The following DENND3 variants were observed in gnomAD, a reference collection of about 807,000 sequenced individuals.
The protein encoded by DENND3 is DENN domain-containing protein 3.
A neutral mutation model predicts 135.1 loss-of-function variants in DENND3; 88 were observed. That is an observed-to-expected ratio of 0.65 (90% CI 0.55 to 0.78). The LOEUF (loss-of-function observed/expected upper bound fraction) is 0.78, where lower values mean the gene tolerates loss of function less well. Ranked by LOEUF, DENND3 falls within the 30% of genes least tolerant of loss-of-function variation. The pLI, the probability that DENND3 is intolerant of heterozygous loss-of-function variation, is 0.00. For missense variants in DENND3, 1,392 were observed against 1,688.4 expected (o/e 0.82, Z 3.08); for synonymous variants, 693 against 712.3 (o/e 0.97, Z 0.43).
Position 141,135,152 on chromosome 8 carries a change from C to CT in DENND3, c.103-1340dup, listed in dbSNP as rs532006355. ...CGCCCAGCTCTTTCTTTCTTTCTTTCTTTTTTTTTTTTTTTTTGAGACCAG... is the reference window on the plus strand; with the variant it reads ...CGCCCAGCTCTTTCTTTCTTTCTTTCTTTTTTTTTTTTTTTTTTGAGACCAG... On this transcript the variant is annotated intron_variant, in intron 1 of 22. Coordinates refer to ENST00000519811, the MANE Select transcript of DENND3 (RefSeq NM_001352890.3). 7.0e-3 allele frequency among the ~76,000 whole-genome samples: 944 copies of CT among 134,938 alleles called. 8 individuals are homozygous for CT. Among genetic ancestry groups the CT allele is most frequent in the African/African-American group, 0.017 (604 of 35,546 alleles). 88.5% of individuals were successfully genotyped at this position (134,938 alleles called of 152,430 possible).
intron 16 of DENND3, among the ~76,000 whole-genome samples, 176 bp from the exon 17 acceptor site, chr8:141,180,571 C>T (rs307743): frequency 0.025 from 3,855 of 152,212 alleles, 152 homozygotes; most frequent in African/African-American, 0.087. Context: ...GGAAAGGAGG[C>T]CGAGGGTGCA....
Position 141,189,243 on chromosome 8 carries a change from C to T in DENND3, c.3245+97C>T, listed in dbSNP as rs996572183. 11 of 1,524,458 alleles carry T rather than the reference C, an allele frequency of 7.2e-6. No homozygotes were observed. In the East Asian group the frequency reaches 1.6e-4, roughly 23 times the overall value. 94.4% of individuals were successfully genotyped at this position (1,524,458 alleles called of 1,614,324 possible). A position where few individuals can be genotyped will look rare whatever the true frequency, so the allele number is the denominator to read the frequency against. Reference sequence around the variant, plus strand: ...TCCCAAGTCTTGTGCCCACAGGGGCCAGGCGGGGCGTACAGAGTGAAGTGG... The same window carrying T: ...TCCCAAGTCTTGTGCCCACAGGGGCTAGGCGGGGCGTACAGAGTGAAGTGG... On this transcript the variant is annotated intron_variant, in intron 19 of 22. Transcript: ENST00000519811.
chr8:141,154,737 AT>A lies in DENND3; in HGVS notation c.1075-1107del, dbSNP rs1254054021. The stretch of plus-strand genomic sequence containing the variant: ...GCCACCATGCCTGGGTAATTTTTGT[AT>A]TTTTAGTAGAGACGAGGTTTCACCA... On this transcript the variant is annotated intron_variant, in intron 7 of 22. Coordinates refer to ENST00000519811, the MANE Select transcript of DENND3 (RefSeq NM_001352890.3). The surrounding 1 kb of genome is among the most constrained non-coding windows in gnomAD (Gnocchi z 4.4). Among the ~76,000 whole-genome samples the A allele has an allele frequency of 6.6e-6, 1 of 151,732 alleles. No individual in the cohort carries two copies.
chr8:141,147,552 C>A (rs2154612884), intron 5 of DENND3, among the ~76,000 whole-genome samples: 1 of 152,358 alleles, frequency 6.6e-6, no homozygotes, highest in African/African-American at 2.4e-5. Flanking sequence ...TTCTTGTGGC[C>A]AGCTGTGGCT....
At chr8:141,193,929 T>C (rs1825101073) in intron 22 of DENND3, 104 bp from the exon 23 acceptor site, 3 of 1,285,848 alleles carry the variant, frequency 2.3e-6, no homozygotes, top group East Asian at 2.4e-5. Flanking sequence ...AGGAAGGACA[T>C]AGATTTGGAG....
Position 141,138,182 on chromosome 8 carries a change from T to C in DENND3, c.501+45T>C. The C allele has an allele frequency of 6.5e-7, 1 of 1,538,984 alleles. No homozygotes were observed. Among genetic ancestry groups the C allele is most frequent in the South Asian group, 1.2e-5 (1 of 84,254 alleles). On this transcript the variant is annotated intron_variant, in intron 3 of 22. Coordinates refer to ENST00000519811, the MANE Select transcript of DENND3 (RefSeq NM_001352890.3). This position sits in a 1 kb window ranked among gnomAD's most constrained non-coding sequence, Gnocchi z 4.8. ...CCCCTCTGAAATTGGGTTTAGATTT[T>C]TTATTATGGTGAAATACACATAACA...
chr8:141,194,281 G>A lies in DENND3; in HGVS notation c.*48G>A. ...GAACTGTGCCCTATGTGTGGGGACT[G>A]GCTGCCCCCTAGAGCCTGCCAGGAG... is the stretch of plus-strand genomic sequence containing the variant. On this transcript the variant is annotated 3_prime_UTR_variant, in exon 23 of 23. Transcript: ENST00000519811. 1 of 1,586,706 alleles carries A rather than the reference G, an allele frequency of 6.3e-7. No individual in the cohort carries two copies. The highest frequency in any genetic ancestry group is 8.6e-7 in the Non-Finnish European group (1 of 1,167,042).
chr8:141,168,575 T>C lies in DENND3; in HGVS notation c.2275+50T>C, dbSNP rs1168159947. The C allele has an allele frequency of 1.9e-6, 3 of 1,545,538 alleles. No individual in the cohort carries two copies. The African/African-American group carries it at 4.1e-5, about 21-fold the overall frequency. ...CAGATTTTATTATTTAGAGACAGGG[T>C]CTGGCTCTGTCGCCCAGGCTGGAGT... On this transcript the variant is annotated intron_variant, in intron 13 of 22. Transcript: ENST00000519811. The surrounding 1 kb of genome is among the most constrained non-coding windows in gnomAD (Gnocchi z 6.2).
chr8:141,168,147 T>G lies in DENND3; in HGVS notation c.1897T>G (p.Ser633Ala), dbSNP rs774614743. 6.2e-7 allele frequency: 1 copy of G among 1,614,212 alleles called. No homozygotes were observed. The highest frequency in any genetic ancestry group is 8.5e-7 in the Non-Finnish European group (1 of 1,180,050). The change falls in exon 13 of 23, where the codon TCT (serine) becomes GCT (alanine). Residue 633 changes from serine to alanine, a missense_variant. By Grantham distance (99) the Ser-to-Ala change is moderately conservative. Coordinates refer to ENST00000519811, the MANE Select transcript of DENND3 (RefSeq NM_001352890.3). This position sits in a 1 kb window ranked among gnomAD's most constrained non-coding sequence, Gnocchi z 6.2. The part of the protein sequence containing the change: ...EAMCFLAPDN[S>A]LLLARYLYLR... ...CATGTGCTTTCTGGCCCCCGATAACTCTCTGCTCCTGGCCCGCTATTTGTA... is the reference window on the plus strand; with the variant it reads ...CATGTGCTTTCTGGCCCCCGATAACGCTCTGCTCCTGGCCCGCTATTTGTA...
In DENND3 at chr8:141,166,146, A is replaced by AT. The variant is rs1314600038; in HGVS notation, c.1554-42dup. 1 of 1,582,100 alleles carries AT rather than the reference A, an allele frequency of 6.3e-7. No individual in the cohort carries two copies. ...CTTAGTTTAGGCTTATTCTTCAATC[A>AT]TTATTGTGTCTATAAACTAACGCGT... On this transcript the variant is annotated intron_variant, in intron 11 of 22. Transcript: ENST00000519811. The surrounding 1 kb of genome is among the most constrained non-coding windows in gnomAD (Gnocchi z 4.3).
intron 1 of DENND3, among the ~76,000 whole-genome samples, chr8:141,129,095 C>A (rs1252023570): frequency 6.6e-6 from 1 of 152,214 alleles, no homozygotes; most frequent in East Asian, 1.9e-4. Flanking sequence ...GTCCGCCGGC[C>A]GGGAATCTGG....
At chr8:141,161,638 T>A (rs1820138687) in intron 9 of DENND3, among the ~76,000 whole-genome samples, 1 of 152,192 alleles carries the variant, frequency 6.6e-6, no homozygotes, top group South Asian at 2.1e-4. Flanking sequence ...CTTCCTCTCC[T>A]TCTTGCTGGT....
chr8:141,176,093 A>G (rs1822301866), intron 14 of DENND3: 1 of 178,560 alleles, frequency 5.6e-6, no homozygotes, highest in Non-Finnish European at 1.2e-5. Flanking sequence ...GAGTGGTCAT[A>G]GAAGCCAGAA....
rs141468317 is a variant in DENND3 at position 141,153,492 on chromosome 8, C to T, written c.1074+1655C>T. ...AGCCTGTTGCCAGCTTCGCAGTCAC[C>T]CCCAGCCCCGCTTTTCCCGGAGCGT... On this transcript the variant is annotated intron_variant, in intron 7 of 22. Transcript: ENST00000519811. Among the ~76,000 whole-genome samples, 706 of 152,340 alleles carry T rather than the reference C, an allele frequency of 4.6e-3. 6 individuals carry two copies. The highest frequency in any genetic ancestry group is 0.016 in the African/African-American group (671 of 41,584).
intron 3 of DENND3, among the ~76,000 whole-genome samples, chr8:141,140,411 A>G (rs1319128309): frequency 6.6e-6 from 1 of 152,242 alleles, no homozygotes; most frequent in African/African-American, 2.4e-5. Context: ...TTGTGTAGTC[A>G]TTCATTTAAT....
chr8:141,156,274 A>G (rs76020308), intron 8 of DENND3, among the ~76,000 whole-genome samples: 29 of 151,712 alleles, frequency 1.9e-4, no homozygotes, highest in Non-Finnish European at 2.4e-4. Flanking sequence ...TAATTTTTGT[A>G]TTTTCAGTTT....
intron 1 of DENND3, among the ~76,000 whole-genome samples, chr8:141,133,135 G>A (rs548137424): frequency 1.0e-3 from 156 of 152,304 alleles, no homozygotes; most frequent in African/African-American, 3.5e-3. Context: ...AGCGTGGGGG[G>A]TGGAGGGTCT....
rs570492488 is a variant in DENND3, at chr8:141,152,533, C to T, written c.1074+696C>T. 2.6e-4 allele frequency among the ~76,000 whole-genome samples: 39 copies of T among 152,308 alleles called. 1 individual carries two copies. The highest frequency in any genetic ancestry group is 1.6e-3 in the Admixed American group (24 of 15,310). ...CACTTCACGTCATGGCTTTGAGACT[C>T]CTCCACGTGGTAGCATCTCTCAGCC... On this transcript the variant is annotated intron_variant, in intron 7 of 22. Transcript: ENST00000519811.
intron 7 of DENND3, among the ~76,000 whole-genome samples, chr8:141,155,249 G>A (rs1341802217): frequency 6.6e-6 from 1 of 151,946 alleles, no homozygotes; most frequent in African/African-American, 2.4e-5. Flanking sequence ...GCTTAACATT[G>A]GTTACGTTGA....
Sources: gnomAD v4.1 joint callset for allele counts (sites outside exome capture counted in the v4.1 genomes callset) on GRCh38, gnomAD v4.1.1 for gene constraint, Gnocchi (gnomAD v3.1) non-coding constraint, MANE v1.5 for transcripts, NCBI Gene and HGNC (gene_info 2026-07-23, HGNC 2026-07-21) for gene names.